The following EDARADD variants were observed in gnomAD, a reference collection of about 807,000 sequenced individuals.
EDARADD encodes EDAR associated via death domain.
In EDARADD, 20 loss-of-function variants were observed where a neutral mutation model predicts 25.6. The ratio of observed to expected loss-of-function variants is 0.78; its 90% CI spans 0.55 to 1.14. The LOEUF (loss-of-function observed/expected upper bound fraction) is 1.14, where lower values mean the gene tolerates loss of function less well. EDARADD is among the 50% of genes most tolerant of loss of function. The pLI, the probability that EDARADD is intolerant of heterozygous loss-of-function variation, is 0.00. For synonymous variants in EDARADD, 86 were observed against 94.4 expected (o/e 0.91, Z 0.52); for missense variants, 225 against 270.1 (o/e 0.83, Z 1.17).
rs541779513 is a variant in EDARADD at position 236,478,412 on chromosome 1, GAT to G, written c.266-3842_266-3841del. ...ATGGATTTATATATATATATAAATG[GAT>G]ATATATATATATCTGGATGGATATA... On this transcript the variant is annotated intron_variant, in intron 5 of 5. Coordinates refer to ENST00000334232, the MANE Select transcript of EDARADD (RefSeq NM_145861.4). 2.0e-3 allele frequency among the ~76,000 whole-genome samples: 273 copies of G among 139,694 alleles called. 1 individual carries two copies. Among genetic ancestry groups the G allele is most frequent in the African/African-American group, 6.4e-3 (243 of 38,078 alleles). 91.6% of individuals were successfully genotyped at this position (139,694 alleles called of 152,430 possible).
upstream of EDARADD, among the ~76,000 whole-genome samples, chr1:236,390,178 G>A (rs1007636614): frequency 6.6e-6 from 1 of 152,118 alleles, no homozygotes; most frequent in Non-Finnish European, 1.5e-5. Flanking sequence ...GTGGGAGGGG[G>A]CAAGGGATAA....
At chr1:236,438,692 G>A (rs987579563) in intron 4 of EDARADD, among the ~76,000 whole-genome samples, 3 of 152,092 alleles carry the variant, frequency 2.0e-5, no homozygotes, top group Non-Finnish European at 4.4e-5. Context: ...TTACGTTTTT[G>A]GAGAATTTTT....
At chr1:236,479,001 C>T (rs1485413082) in intron 5 of EDARADD, among the ~76,000 whole-genome samples, 1 of 152,040 alleles carries the variant, frequency 6.6e-6, no homozygotes, top group Non-Finnish European at 1.5e-5. Context: ...ATACGATAGA[C>T]TTTGGGGACT....
chr1:236,400,720 A>AT (rs55864840), intron 1 of EDARADD, among the ~76,000 whole-genome samples: 2,255 of 121,118 alleles, frequency 0.019, 56 homozygotes, highest in African/African-American at 0.045. Flanking sequence ...ACACCCGGCT[A>AT]TTTTTTTTTT....
intron 2 of EDARADD, among the ~76,000 whole-genome samples, chr1:236,409,595 T>C (rs949220125): frequency 2.6e-5 from 4 of 152,058 alleles, no homozygotes; most frequent in Non-Finnish European, 5.9e-5. Flanking sequence ...GGAGTCTTGC[T>C]CTCTCACCCA....
chr1:236,471,894 A>G (rs144516592), intron 5 of EDARADD, among the ~76,000 whole-genome samples: 1 of 152,296 alleles, frequency 6.6e-6, no homozygotes, highest in Non-Finnish European at 1.5e-5. Context: ...ACGCCTAACT[A>G]ATCATGACGT....
chr1:236,377,865 C>CA (rs1158837049), intron 3 of EDARADD, among the ~76,000 whole-genome samples: 2 of 151,018 alleles, frequency 1.3e-5, no homozygotes, highest in Non-Finnish European at 3.0e-5. Flanking sequence ...AAAAAAAAAA[C>CA]AAAAACAGAA....
At chr1:236,361,731 G>C (rs373274729) in intron 3 of EDARADD, among the ~76,000 whole-genome samples, 1 of 150,360 alleles carries the variant, frequency 6.7e-6, no homozygotes, top group Non-Finnish European at 1.5e-5. Flanking sequence ...TATGTTGTTA[G>C]TATCAGTGGT....
intron 4 of EDARADD, among the ~76,000 whole-genome samples, chr1:236,434,664 T>C (rs947298896): frequency 6.6e-6 from 1 of 152,174 alleles, no homozygotes; most frequent in Admixed American, 6.5e-5. Flanking sequence ...ACCCCTGGTA[T>C]AGACAGAGGA....
intron 1 of EDARADD, among the ~76,000 whole-genome samples, chr1:236,400,299 G>C (rs1385082098): frequency 6.6e-6 from 1 of 151,824 alleles, no homozygotes; most frequent in East Asian, 1.9e-4. Context: ...TTGATCCCCC[G>C]TCAGTAGCCT....
intron 4 of EDARADD, among the ~76,000 whole-genome samples, chr1:236,447,178 T>C (rs1658570727): frequency 2.5e-5 from 2 of 79,236 alleles, no homozygotes; most frequent in South Asian, 8.8e-4. Context: ...CCCTCTTTCT[T>C]TCTTTCTTTC....
At chr1:236,352,993 G>C (rs1274673143) in intron 3 of EDARADD, among the ~76,000 whole-genome samples, 1 of 149,642 alleles carries the variant, frequency 6.7e-6, no homozygotes, top group African/African-American at 2.5e-5. Context: ...CTGGGCAACA[G>C]AGCAAGACTC....
At chr1:236,446,658 A>G (rs940767690) in intron 4 of EDARADD, among the ~76,000 whole-genome samples, 1 of 152,236 alleles carries the variant, frequency 6.6e-6, no homozygotes, top group African/African-American at 2.4e-5. Flanking sequence ...ATGTGTCAAA[A>G]TGCTGTGCAT....
rs1658116064 is a variant in EDARADD at position 236,432,257 on chromosome 1, T to TA, written c.219+4807_219+4808insA. Reference sequence around the variant, plus strand: ...AAAAAATACAAAAATTAACCACACCTGTGGTCCCATGGTCCCAGCTGCTCA... The same window carrying TA: ...AAAAAATACAAAAATTAACCACACCTAGTGGTCCCATGGTCCCAGCTGCTCA... On this transcript the variant is annotated intron_variant, in intron 4 of 5. Coordinates refer to ENST00000334232, the MANE Select transcript of EDARADD (RefSeq NM_145861.4). Among the ~76,000 whole-genome samples, 9 of 151,282 alleles carry TA rather than the reference T, an allele frequency of 5.9e-5. No individual in the cohort carries two copies. In the South Asian group the frequency reaches 1.9e-3, roughly 32 times the overall value.
intron 4 of EDARADD, among the ~76,000 whole-genome samples, chr1:236,453,426 A>G (rs1421003002): frequency 6.6e-6 from 1 of 151,580 alleles, no homozygotes; most frequent in Non-Finnish European, 1.5e-5. Context: ...ACAGGCGCGC[A>G]CCACCGTGCC....
At chr1:236,409,070 A>T in intron 1 of EDARADD, 146 bp from the exon 2 acceptor site, 1 of 240,952 alleles carries the variant, frequency 4.2e-6, no homozygotes, top group Non-Finnish European at 7.9e-6. Flanking sequence ...CTATTTCTTA[A>T]AAAAAAAAAA....
intron 4 of EDARADD, among the ~76,000 whole-genome samples, chr1:236,449,943 A>T (rs1449052190): frequency 6.6e-6 from 1 of 152,210 alleles, no homozygotes; most frequent in Non-Finnish European, 1.5e-5. Flanking sequence ...TCTACTAAAA[A>T]TACAAAAATT....
At chr1:236,401,496 T>A (rs1359650427) in intron 1 of EDARADD, among the ~76,000 whole-genome samples, 1 of 152,096 alleles carries the variant, frequency 6.6e-6, no homozygotes, top group Non-Finnish European at 1.5e-5. Context: ...CTGTTTCGGG[T>A]TATGTGCTGA....
chr1:236,408,307 A>G lies in EDARADD; in HGVS notation c.62-909A>G, dbSNP rs188776253. 2.1e-4 allele frequency among the ~76,000 whole-genome samples: 32 copies of G among 152,210 alleles called. No individual in the cohort carries two copies. The East Asian group carries it at 6.0e-3, about 29-fold the overall frequency. On this transcript the variant is annotated intron_variant, in intron 1 of 5. Transcript: ENST00000334232. Reference sequence around the variant, plus strand: ...AACCTCCACCTCCCAGGTTCAAGCTATTCTTCTGCCTCAGCCTCCTGAGTA... The same window carrying G: ...AACCTCCACCTCCCAGGTTCAAGCTGTTCTTCTGCCTCAGCCTCCTGAGTA...
Sources: gnomAD v4.1 joint callset for allele counts (sites outside exome capture counted in the v4.1 genomes callset) on GRCh38, gnomAD v4.1.1 for gene constraint, MANE v1.5 for transcripts, NCBI Gene and HGNC (gene_info 2026-07-23, HGNC 2026-07-21) for gene names.